The following LIMCH1 variants were observed in gnomAD, a reference collection of about 807,000 sequenced individuals.
LIMCH1 encodes the protein LIM and calponin homology domains-containing protein 1.
In LIMCH1, 113 loss-of-function variants were observed where a neutral mutation model predicts 176.5. That is an observed-to-expected ratio of 0.64 (90% CI 0.55 to 0.75). The LOEUF (loss-of-function observed/expected upper bound fraction) is 0.75, where lower values mean the gene tolerates loss of function less well. Among genes scored for constraint, LIMCH1 ranks in the 30% least tolerant of loss-of-function variants. LIMCH1 has a pLI of 0.00. For synonymous variants in LIMCH1, 619 were observed against 645.9 expected (o/e 0.96, Z 0.63); for missense variants, 1,674 against 1,814.9 (o/e 0.92, Z 1.41).
intron 1 of LIMCH1, among the ~76,000 whole-genome samples, chr4:41,590,712 G>A (rs906600036): frequency 2.0e-5 from 3 of 152,148 alleles, no homozygotes; most frequent in East Asian, 1.9e-4. Context: ...TGGGTCAAAC[G>A]TCCCCAGAAT....
chr4:41,451,580 G>A (rs2063890361), intron 1 of LIMCH1, among the ~76,000 whole-genome samples: 1 of 152,120 alleles, frequency 6.6e-6, no homozygotes. Context: ...ATGGAGTGCT[G>A]GTTCAGGAAT....
At chr4:41,612,027 A>G (rs2091477084) in intron 4 of LIMCH1, among the ~76,000 whole-genome samples, 1 of 152,080 alleles carries the variant, frequency 6.6e-6, no homozygotes, top group South Asian at 2.1e-4. Flanking sequence ...TGCCGGCTCT[A>G]CTCACCCAGG....
intron 1 of LIMCH1, among the ~76,000 whole-genome samples, chr4:41,411,724 G>A (rs1256532412): frequency 6.6e-6 from 1 of 151,728 alleles, no homozygotes; most frequent in Non-Finnish European, 1.5e-5. Flanking sequence ...ACTTTAGGAG[G>A]CCGGGGCGGG....
chr4:41,574,387 G>A (rs1351423218), intron 1 of LIMCH1, among the ~76,000 whole-genome samples: 3 of 150,524 alleles, frequency 2.0e-5, no homozygotes, highest in Non-Finnish European at 3.0e-5. Context: ...TCCACCTCCC[G>A]GGTTCAAGTG....
chr4:41,440,937 A>G (rs1337939462), intron 1 of LIMCH1, among the ~76,000 whole-genome samples: 2 of 151,970 alleles, frequency 1.3e-5, no homozygotes, highest in Non-Finnish European at 2.9e-5. Flanking sequence ...CTGAATATGA[A>G]TATGTGGCAG....
chr4:41,403,074 T>A (rs2154118705), intron 1 of LIMCH1, among the ~76,000 whole-genome samples: 1 of 152,186 alleles, frequency 6.6e-6, no homozygotes, highest in Admixed American at 6.5e-5. Context: ...GGATTTTACA[T>A]AGTTATCACA....
chr4:41,586,311 T>A (rs554669118), intron 1 of LIMCH1, among the ~76,000 whole-genome samples: 3 of 152,076 alleles, frequency 2.0e-5, no homozygotes, highest in Admixed American at 2.0e-4. Context: ...GATCACATTG[T>A]GTTGCCTGCA....
chr4:41,664,967 A>G (rs1373205858), intron 20 of LIMCH1, among the ~76,000 whole-genome samples: 1 of 152,218 alleles, frequency 6.6e-6, no homozygotes, highest in Non-Finnish European at 1.5e-5. Flanking sequence ...ATATATATAT[A>G]GCCCCTGAAT....
intron 15 of LIMCH1, 121 bp from the exon 16 acceptor site, chr4:41,646,002 G>T: frequency 9.9e-7 from 1 of 1,005,706 alleles, no homozygotes; most frequent in Non-Finnish European, 1.5e-6. Flanking sequence ...TGCACACGAT[G>T]TTATAGTGCC....
chr4:41,598,660 T>A (rs2089373600), intron 1 of LIMCH1, among the ~76,000 whole-genome samples: 1 of 152,214 alleles, frequency 6.6e-6, no homozygotes, highest in African/African-American at 2.4e-5. Context: ...TTTTCCTTTT[T>A]AATGGCATTT....
chr4:41,632,788 C>G lies in LIMCH1; in HGVS notation c.1641C>G (p.Ala547=). Residue 547 remains alanine, a synonymous_variant, in exon 11 of 32, where the codon GCC becomes GCG. Coordinates refer to ENST00000503057, the MANE Select transcript of LIMCH1 (RefSeq NM_001330672.2). ...GCCGAGGTGACTATTGCAGAAGGGC[C>G]TCGTGGCTGGCTCCTGTGCCGGAGT... The part of the protein sequence containing the change: ...NCGRGDYCRR[A]SWLAPVPESQ... The G allele has an allele frequency of 6.5e-7, 1 of 1,536,286 alleles. No individual in the cohort carries two copies. Among genetic ancestry groups the G allele is most frequent in the Non-Finnish European group, 8.7e-7 (1 of 1,146,930 alleles).
At chr4:41,457,329 C>T (rs574272913) in intron 1 of LIMCH1, among the ~76,000 whole-genome samples, 106 of 151,934 alleles carry the variant, frequency 7.0e-4, no homozygotes, top group African/African-American at 2.4e-3. Flanking sequence ...AGAAAGAGAC[C>T]TTGAGGAGAA....
In LIMCH1 at chr4:41,629,371, G is replaced by A; in HGVS notation, c.1029-121G>A. 6 of 1,163,108 alleles carry A rather than the reference G, an allele frequency of 5.2e-6. No homozygotes were observed. In the South Asian group the frequency reaches 8.0e-5, roughly 16 times the overall value. The allele number at this position is 1,163,108 out of a possible 1,614,324, so 72.0% of individuals were successfully genotyped here. A position where few individuals can be genotyped will look rare whatever the true frequency, so the allele number is the denominator to read the frequency against. ...TTCCATTTTTGAGAAAGAGAAAAGT[G>A]TTTCCATCATTTTGTTCTGTCCTCA... On this transcript the variant is annotated intron_variant, in intron 8 of 31. Transcript: ENST00000503057.
intron 31 of LIMCH1, among the ~76,000 whole-genome samples, chr4:41,696,784 A>T (rs1731006894): frequency 6.6e-6 from 1 of 152,184 alleles, no homozygotes; most frequent in African/African-American, 2.4e-5. Context: ...TCAAAACCTA[A>T]GGAAACTGAG....
At position 41,451,200 on chromosome 4, in the gene LIMCH1, C is replaced by T. The variant is rs974513134; in HGVS notation, c.97-43336C>T. Among the ~76,000 whole-genome samples the T allele has an allele frequency of 7.9e-4, 120 of 152,280 alleles. 1 individual carries two copies. Among genetic ancestry groups the T allele is most frequent in the Non-Finnish European group, 1.5e-3 (103 of 68,036 alleles). ...GCACGATCTTGGCTCACCGCAACCT[C>T]CGCCTCCCGGGTTCAAGCTATTCTC... On this transcript the variant is annotated intron_variant, in intron 1 of 26. Transcript: ENST00000313860.
chr4:41,630,080 A>G (rs2093232536), intron 9 of LIMCH1, among the ~76,000 whole-genome samples: 1 of 152,114 alleles, frequency 6.6e-6, no homozygotes, highest in Admixed American at 6.5e-5. Flanking sequence ...TCTTGGGATT[A>G]CAGATGTGAG....
chr4:41,380,107 G>A (rs577166737), intron 1 of LIMCH1, among the ~76,000 whole-genome samples: 4 of 151,602 alleles, frequency 2.6e-5, no homozygotes, highest in African/African-American at 9.7e-5. Flanking sequence ...GCCCAGCCAG[G>A]TCTAGTATTT....
chr4:41,482,385 C>T (rs530648296), intron 1 of LIMCH1, among the ~76,000 whole-genome samples: 11 of 152,258 alleles, frequency 7.2e-5, no homozygotes, highest in African/African-American at 4.8e-5. Context: ...CCTGCAATTA[C>T]AGCTAGGAAG....
At chr4:41,545,828 A>C (rs2079297504) in intron 1 of LIMCH1, among the ~76,000 whole-genome samples, 1 of 152,202 alleles carries the variant, frequency 6.6e-6, no homozygotes, top group Non-Finnish European at 1.5e-5. Flanking sequence ...TAATATGTTC[A>C]GTCAAGAATA....
Sources: allele counts gnomAD v4.1 joint callset (sites outside exome capture counted in the v4.1 genomes callset), GRCh38; gene constraint gnomAD v4.1.1; transcripts MANE v1.5; gene names NCBI Gene and HGNC (gene_info 2026-07-23, HGNC 2026-07-21).